LEKR1: variants seen among roughly 807,000 people sequenced by gnomAD.
LEKR1 encodes the protein protein LEKR1.
Under a neutral mutation model 72.4 loss-of-function variants are expected in LEKR1, and 59 were observed. The observed-to-expected ratio is 0.82, with a 90% CI of 0.66 to 1.01. The LOEUF is 1.01. LEKR1 is among the 50% of genes least tolerant of loss of function. The probability of loss-of-function intolerance (pLI) is 0.00; values close to 1 mark genes in which losing one functional copy is unlikely to be tolerated. For missense variants in LEKR1, 728 were observed against 759.2 expected (o/e 0.96, Z 0.48); for synonymous variants, 257 against 263.2 (o/e 0.98, Z 0.23).
chr3:156,949,530 TCG>T, intron 6 of LEKR1, among the ~76,000 whole-genome samples: 1 of 151,574 alleles, frequency 6.6e-6, no homozygotes, highest in Non-Finnish European at 1.5e-5. Flanking sequence ...GTGCCTGTTT[TCG>T]TACCAGTACC....
chr3:156,836,416 C>G (rs1463528078), intron 2 of LEKR1, among the ~76,000 whole-genome samples: 2 of 151,942 alleles, frequency 1.3e-5, no homozygotes, highest in African/African-American at 4.8e-5. Flanking sequence ...AAAAAAAAAG[C>G]TTTTTCTCAA....
chr3:156,990,104 TTTTGTC>T (rs1731034403), intron 7 of LEKR1, among the ~76,000 whole-genome samples: 2 of 152,162 alleles, frequency 1.3e-5, no homozygotes, highest in Admixed American at 6.5e-5. Flanking sequence ...TATTTCCACA[TTTTGTC>T]TTTGTCTTTT....
At chr3:156,844,886 A>G (rs1325661920) in intron 2 of LEKR1, among the ~76,000 whole-genome samples, 2 of 145,992 alleles carry the variant, frequency 1.4e-5, no homozygotes, top group African/African-American at 2.5e-5. Context: ...TTCAATTGCT[A>G]TGTTATATAG....
At chr3:156,956,976 A>ATGGT (rs1263564587) in intron 6 of LEKR1, among the ~76,000 whole-genome samples, 1 of 152,036 alleles carries the variant, frequency 6.6e-6, no homozygotes, top group Non-Finnish European at 1.5e-5. Flanking sequence ...AAAGACTTTA[A>ATGGT]TGGTAAAGTT....
At chr3:157,033,060 A>C (rs957669642) in intron 12 of LEKR1, among the ~76,000 whole-genome samples, 4 of 152,188 alleles carry the variant, frequency 2.6e-5, no homozygotes, top group Admixed American at 2.0e-4. Context: ...CAAACTTAAT[A>C]GATAAATGTT....
intron 10 of LEKR1, chr3:157,017,731 G>A (rs1733467675): frequency 1.3e-5 from 2 of 152,228 alleles, no homozygotes; most frequent in South Asian, 2.1e-4. Flanking sequence ...GAGGTCAGGA[G>A]ATGGAGACCA....
intron 2 of LEKR1, among the ~76,000 whole-genome samples, chr3:156,850,939 G>A (rs1715282676): frequency 6.6e-6 from 1 of 152,156 alleles, no homozygotes; most frequent in East Asian, 1.9e-4. Context: ...CATAAAGCCA[G>A]TTATAGTATA....
intron 6 of LEKR1, among the ~76,000 whole-genome samples, chr3:156,975,300 TA>T (rs574647018): frequency 4.3e-4 from 64 of 150,280 alleles, no homozygotes; most frequent in East Asian, 2.3e-3. Context: ...TATTTTACAT[TA>T]AAAAAAAAAT....
At position 156,945,799 on chromosome 3, in the gene LEKR1, A is replaced by C. The variant is rs547667312; in HGVS notation, c.745+3085A>C. Among the ~76,000 whole-genome samples the C allele has an allele frequency of 2.6e-5, 4 of 151,486 alleles. 1 individual carries two copies. In the South Asian group the frequency reaches 8.4e-4, roughly 32 times the overall value. Reference sequence around the variant, plus strand: ...GTTTGTATGTTTTCTGTTCTGTTCCATTGGTCTCTGTGTCTGTTTTTATGT... The same window carrying C: ...GTTTGTATGTTTTCTGTTCTGTTCCCTTGGTCTCTGTGTCTGTTTTTATGT... On this transcript the variant is annotated intron_variant, in intron 6 of 12. Transcript: ENST00000356539.
chr3:157,026,312 A>G (rs1734186229), intron 11 of LEKR1, among the ~76,000 whole-genome samples: 1 of 152,186 alleles, frequency 6.6e-6, no homozygotes, highest in East Asian at 1.9e-4. Context: ...AGGAGAATGC[A>G]GACAGGCAAG....
chr3:156,872,127 A>G lies in LEKR1; in HGVS notation c.263+19145A>G, dbSNP rs140531715. On this transcript the variant is annotated intron_variant, in intron 3 of 12. Coordinates refer to ENST00000356539, the MANE Select transcript of LEKR1 (RefSeq NM_001004316.3). Reference sequence around the variant, plus strand: ...TACAGATTTAGTCTCATTGCTTATTATTGGTCTGTTCAGATTTTCCATTTC... The same window carrying G: ...TACAGATTTAGTCTCATTGCTTATTGTTGGTCTGTTCAGATTTTCCATTTC... Among the ~76,000 whole-genome samples the G allele has an allele frequency of 4.0e-3, 597 of 150,696 alleles. 2 individuals are homozygous for G. The highest frequency in any genetic ancestry group is 0.014 in the African/African-American group (580 of 41,056).
At chr3:156,896,444 A>T (rs535410785) in intron 3 of LEKR1, among the ~76,000 whole-genome samples, 2 of 152,254 alleles carry the variant, frequency 1.3e-5, no homozygotes, top group African/African-American at 2.4e-5. Flanking sequence ...GCCAAAAAGC[A>T]TATGAAAAAA....
chr3:157,031,057 T>C (rs1473385964), intron 12 of LEKR1, among the ~76,000 whole-genome samples: 3 of 152,100 alleles, frequency 2.0e-5, no homozygotes, highest in African/African-American at 7.2e-5. Flanking sequence ...GGTGAAATCA[T>C]TGCACAAAGA....
rs75560999 is a variant in LEKR1 at position 157,022,667 on chromosome 3, T to C, written c.1204-2093T>C. ...CAAGATTTCTGGGCCATACAATTCA[T>C]TGGAGGCACCTGTGAATTATCTAAA... On this transcript the variant is annotated intron_variant, in intron 10 of 12. Coordinates refer to ENST00000356539, the MANE Select transcript of LEKR1 (RefSeq NM_001004316.3). Among the ~76,000 whole-genome samples the C allele has an allele frequency of 4.2e-4, 64 of 152,218 alleles. No homozygotes were observed. In the East Asian group the frequency reaches 7.0e-3, roughly 17 times the overall value.
intron 2 of LEKR1, among the ~76,000 whole-genome samples, chr3:156,841,966 A>G (rs1713967570): frequency 6.6e-6 from 1 of 152,218 alleles, no homozygotes; most frequent in Non-Finnish European, 1.5e-5. Context: ...GCCTCCTGTC[A>G]GATCAGCAGC....
At chr3:156,854,137 CTTTTTT>C (rs370896609) in intron 3 of LEKR1, among the ~76,000 whole-genome samples, 6 of 108,228 alleles carry the variant, frequency 5.5e-5, no homozygotes, top group Non-Finnish European at 7.7e-5. Context: ...GTAAAAATCA[CTTTTTT>C]TTTTTTTTTT....
At chr3:156,869,519 T>G (rs1241359555) in intron 3 of LEKR1, among the ~76,000 whole-genome samples, 1 of 152,110 alleles carries the variant, frequency 6.6e-6, no homozygotes, top group Non-Finnish European at 1.5e-5. Flanking sequence ...TGCCTTTGCA[T>G]GTCCTTTGCC....
intron 12 of LEKR1, among the ~76,000 whole-genome samples, chr3:157,042,310 G>T (rs575135888): frequency 1.3e-5 from 2 of 152,296 alleles, no homozygotes; most frequent in African/African-American, 4.8e-5. Context: ...GAAGAAAGAT[G>T]AGTTGCAGAG....
At chr3:156,898,895 G>A (rs908950498) in intron 3 of LEKR1, among the ~76,000 whole-genome samples, 1 of 152,212 alleles carries the variant, frequency 6.6e-6, no homozygotes, top group Non-Finnish European at 1.5e-5. Flanking sequence ...AGAAGCTTGA[G>A]CTAGGATTCC....
Sources: allele counts gnomAD v4.1 joint callset (sites outside exome capture counted in the v4.1 genomes callset), GRCh38; gene constraint gnomAD v4.1.1; transcripts MANE v1.5; gene names NCBI Gene and HGNC (gene_info 2026-07-23, HGNC 2026-07-21).